The following RGS7BP variants were observed in gnomAD, a reference collection of about 807,000 sequenced individuals.
The protein encoded by RGS7BP is regulator of G protein signaling 7 binding protein, also known as regulator of G protein signaling 7-binding protein.
A neutral mutation model predicts 31.3 loss-of-function variants in RGS7BP; 9 were observed. The ratio of observed to expected loss-of-function variants is 0.29; its 90% CI spans 0.17 to 0.50. The LOEUF (loss-of-function observed/expected upper bound fraction) is 0.50. Among genes scored for constraint, RGS7BP ranks in the 20% least tolerant of loss-of-function variants. The pLI is 0.98. For missense variants in RGS7BP, 274 were observed against 322.0 expected (o/e 0.85, Z 1.14); for synonymous variants, 115 against 120.1 (o/e 0.96, Z 0.28).
chr5:64,563,877 G>A (rs1463933449), intron 2 of RGS7BP, among the ~76,000 whole-genome samples: 1 of 152,000 alleles, frequency 6.6e-6, no homozygotes, highest in African/African-American at 2.4e-5. Context: ...TGGATTTTAG[G>A]GCTTCACAGC....
intron 2 of RGS7BP, among the ~76,000 whole-genome samples, chr5:64,517,138 G>A (rs1310298687): frequency 6.6e-6 from 1 of 151,710 alleles, no homozygotes; most frequent in African/African-American, 2.4e-5. Context: ...CTCGCTTTAT[G>A]AGGCAAGATG....
In RGS7BP at chr5:64,541,600, G is replaced by T. The variant is rs191402073; in HGVS notation, c.332+33723G>T. Among the ~76,000 whole-genome samples, 143 of 152,282 alleles carry T rather than the reference G, an allele frequency of 9.4e-4. 1 individual carries two copies. Among genetic ancestry groups the T allele is most frequent in the African/African-American group, 3.3e-3 (136 of 41,548 alleles). On this transcript the variant is annotated intron_variant, in intron 2 of 5. Transcript: ENST00000334025. ...GGTATTCTCATCATTCTTAAGTGTG[G>T]CCAATGTAATACACAGAAAATTGTA...
intron 2 of RGS7BP, among the ~76,000 whole-genome samples, chr5:64,559,861 T>C (rs763636108): frequency 6.6e-6 from 1 of 152,110 alleles, no homozygotes; most frequent in Non-Finnish European, 1.5e-5. Flanking sequence ...ATGTGGGATT[T>C]TAAAAAAATA....
intron 4 of RGS7BP, among the ~76,000 whole-genome samples, chr5:64,596,440 C>T (rs890254729): frequency 6.6e-6 from 1 of 152,178 alleles, no homozygotes; most frequent in African/African-American, 2.4e-5. Context: ...GGGGTGAGAC[C>T]TGGGCTTAAG....
intron 2 of RGS7BP, among the ~76,000 whole-genome samples, chr5:64,570,951 T>A (rs1362095440): frequency 6.6e-6 from 1 of 152,126 alleles, no homozygotes; most frequent in Non-Finnish European, 1.5e-5. Context: ...GGGTTTTTTT[T>A]AAGTAAAATT....
In RGS7BP at chr5:64,560,720, G is replaced by A. The variant is rs977120079; in HGVS notation, c.333-15054G>A. ...AACTGAGCCATTAGTCACTAACAAT[G>A]TCATATATTTGCATTAATAATCTTC... is the stretch of plus-strand genomic sequence containing the variant. On this transcript the variant is annotated intron_variant, in intron 2 of 5. Transcript: ENST00000334025. Among the ~76,000 whole-genome samples the A allele has an allele frequency of 1.4e-4, 22 of 152,188 alleles. 1 individual carries two copies. Among genetic ancestry groups the A allele is most frequent in the South Asian group, 6.2e-4 (3 of 4,830 alleles).
intron 2 of RGS7BP, among the ~76,000 whole-genome samples, chr5:64,544,702 T>C (rs1246240747): frequency 1.3e-5 from 2 of 151,734 alleles, no homozygotes; most frequent in African/African-American, 2.4e-5. Context: ...AAAGACCATA[T>C]ACTAGTTGGT....
chr5:64,506,549 G>GCGT lies in RGS7BP; in HGVS notation c.-74_-73insTCG. 7.3e-7 allele frequency: 1 copy of GCGT among 1,374,120 alleles called. No homozygotes were observed. The highest frequency in any genetic ancestry group is 9.9e-7 in the Non-Finnish European group (1 of 1,008,234). The allele number at this position is 1,374,120 out of a possible 1,614,324, so 85.1% of individuals were successfully genotyped here. A position where few individuals can be genotyped will look rare whatever the true frequency, so the allele number is the denominator to read the frequency against. On this transcript the variant is annotated 5_prime_UTR_variant, in exon 1 of 6. Coordinates refer to ENST00000334025, the MANE Select transcript of RGS7BP (RefSeq NM_001029875.3). This position sits in a 1 kb window ranked among gnomAD's most constrained non-coding sequence, Gnocchi z 4.6. ...TCCGGGCTCCGGCTGCTTGGCGGCG[G>GCGT]CGCCCAGGGCAACAACCGGGCCGCC...
At position 64,506,824 on chromosome 5, in the gene RGS7BP, TA is replaced by T; in HGVS notation, c.165+37del. ...AACTGCGCCTCTTTTTTTTTTTTTT[TA>T]ATTGAGAGGGGGTGGGGGGAGTCAT... On this transcript the variant is annotated intron_variant, in intron 1 of 5. Transcript: ENST00000334025. The surrounding 1 kb of genome is among the most constrained non-coding windows in gnomAD (Gnocchi z 4.6). The T allele has an allele frequency of 6.7e-7, 1 of 1,494,484 alleles. No homozygotes were observed. The highest frequency in any genetic ancestry group is 9.0e-7 in the Non-Finnish European group (1 of 1,106,590). The allele number at this position is 1,494,484 out of a possible 1,614,324, so 92.6% of individuals were successfully genotyped here.
intron 2 of RGS7BP, among the ~76,000 whole-genome samples, chr5:64,555,406 T>G (rs1741896468): frequency 6.6e-6 from 1 of 152,192 alleles, no homozygotes. Flanking sequence ...GTTTATTTTT[T>G]ACATAGTTGA....
chr5:64,586,863 G>A (rs914836084), intron 3 of RGS7BP, among the ~76,000 whole-genome samples: 8 of 151,790 alleles, frequency 5.3e-5, no homozygotes, highest in African/African-American at 1.9e-4. Context: ...TTCCTTCCTG[G>A]TGCAAATCCA....
rs530817993 is a variant in RGS7BP, at chr5:64,586,872, C to T, written c.464-7838C>T. ...TATATTTTCCTTCCTGGTGCAAATC[C>T]ACTGAAATAATGGAAAAACATGTAA... On this transcript the variant is annotated intron_variant, in intron 3 of 5. Coordinates refer to ENST00000334025, the MANE Select transcript of RGS7BP (RefSeq NM_001029875.3). Among the ~76,000 whole-genome samples the T allele has an allele frequency of 5.8e-4, 87 of 149,748 alleles. 1 individual carries two copies. The highest frequency in any genetic ancestry group is 2.1e-3 in the African/African-American group (85 of 40,542).
intron 2 of RGS7BP, among the ~76,000 whole-genome samples, chr5:64,566,365 G>T (rs570817799): frequency 6.6e-6 from 1 of 152,238 alleles, no homozygotes; most frequent in African/African-American, 2.4e-5. Context: ...TAAGTTAGGT[G>T]CAGAATAGAC....
At chr5:64,526,640 C>T (rs1420359588) in intron 2 of RGS7BP, among the ~76,000 whole-genome samples, 1 of 152,180 alleles carries the variant, frequency 6.6e-6, no homozygotes, top group Non-Finnish European at 1.5e-5. Flanking sequence ...CCGACTGATA[C>T]CTCTGTAGGA....
intron 2 of RGS7BP, among the ~76,000 whole-genome samples, chr5:64,513,466 T>C (rs1319636957): frequency 6.6e-6 from 1 of 152,232 alleles, no homozygotes; most frequent in African/African-American, 2.4e-5. Context: ...CCACTTCTAG[T>C]TGATTTCTTG....
intron 5 of RGS7BP, among the ~76,000 whole-genome samples, chr5:64,604,804 CA>C (rs202126803): frequency 0.035 from 5,375 of 152,116 alleles, 311 homozygotes; most frequent in African/African-American, 0.12. Flanking sequence ...CTTTTATCAG[CA>C]AAATAAATTT....
At chr5:64,568,773 A>G (rs923408119) in intron 2 of RGS7BP, among the ~76,000 whole-genome samples, 5 of 131,514 alleles carry the variant, frequency 3.8e-5, no homozygotes, top group African/African-American at 1.4e-4. Flanking sequence ...CAGGGAACTG[A>G]TGGTTATTGT....
At chr5:64,551,799 T>C (rs1396725069) in intron 2 of RGS7BP, among the ~76,000 whole-genome samples, 2 of 152,200 alleles carry the variant, frequency 1.3e-5, no homozygotes, top group African/African-American at 2.4e-5. Context: ...ATTAGTATTC[T>C]ATTCTTTATA....
chr5:64,594,449 G>A (rs1019894221), intron 3 of RGS7BP, among the ~76,000 whole-genome samples: 1 of 151,986 alleles, frequency 6.6e-6, no homozygotes, highest in Non-Finnish European at 1.5e-5. Flanking sequence ...TCAAAGACAG[G>A]GGCTTTAATA....
Sources: allele counts gnomAD v4.1 joint callset (sites outside exome capture counted in the v4.1 genomes callset), GRCh38; gene constraint gnomAD v4.1.1; non-coding constraint Gnocchi (gnomAD v3.1); transcripts MANE v1.5; gene names NCBI Gene and HGNC (gene_info 2026-07-23, HGNC 2026-07-21).